CRPPA: variants seen among roughly 807,000 people sequenced by gnomAD.
CRPPA encodes the protein D-ribitol-5-phosphate cytidylyltransferase.
Under a neutral mutation model 52.0 loss-of-function variants are expected in CRPPA, and 43 were observed. That is an observed-to-expected ratio of 0.83 (90% confidence interval 0.65 to 1.07). The LOEUF is 1.07. Among genes scored for constraint, CRPPA ranks in the 50% least tolerant of loss-of-function variants. The probability of loss-of-function intolerance (pLI) is 0.00; values close to 1 mark genes in which losing one functional copy is unlikely to be tolerated. For missense variants in CRPPA, 629 were observed against 551.7 expected (o/e 1.14, Z -1.40); for synonymous variants, 250 against 203.5 (o/e 1.23, Z -1.94).
At chr7:16,398,185 G>A (rs6976548) in intron 2 of CRPPA, among the ~76,000 whole-genome samples, 72,927 of 151,976 alleles carry the variant, frequency 0.48, 18,567 homozygotes, top group African/African-American at 0.64. Flanking sequence ...TCGGCCTGTT[G>A]CCAACATGAC....
chr7:16,243,962 T>A (rs544637797), intron 8 of CRPPA, among the ~76,000 whole-genome samples: 1 of 152,292 alleles, frequency 6.6e-6, no homozygotes, highest in Admixed American at 6.5e-5. Flanking sequence ...AGATCCTGTC[T>A]CAGTCAATCA....
At chr7:16,397,441 TGTAACAGAC>T (rs1482402020) in intron 2 of CRPPA, among the ~76,000 whole-genome samples, 5 of 152,104 alleles carry the variant, frequency 3.3e-5, no homozygotes, top group Non-Finnish European at 7.4e-5. Context: ...TAACGTGTGA[TGTAACAGAC>T]GTGACACGTG....
At chr7:16,112,888 C>CTGA (rs1245537079) in intron 9 of CRPPA, among the ~76,000 whole-genome samples, 3 of 151,694 alleles carry the variant, frequency 2.0e-5, no homozygotes, top group Non-Finnish European at 2.9e-5. Flanking sequence ...TTTTTTTCCC[C>CTGA]TGATGGAATA....
At chr7:16,185,972 G>A (rs988698257) in intron 9 of CRPPA, among the ~76,000 whole-genome samples, 5 of 152,130 alleles carry the variant, frequency 3.3e-5, no homozygotes, top group African/African-American at 4.8e-5. Flanking sequence ...TTAATGTTCA[G>A]AGCAGTACCA....
intron 5 of CRPPA, 25 bp downstream of exon 5, chr7:16,301,396 C>G: frequency 6.3e-7 from 1 of 1,597,850 alleles, no homozygotes; most frequent in Non-Finnish European, 8.6e-7. Context: ...AACACAGGAA[C>G]TGACAGTCAT....
chr7:16,287,949 G>C (rs1329688255), intron 5 of CRPPA, among the ~76,000 whole-genome samples: 1 of 147,486 alleles, frequency 6.8e-6, no homozygotes, highest in Admixed American at 6.8e-5. Flanking sequence ...GAGGGAGGGA[G>C]GGAAGGAAAG....
chr7:16,406,131 T>C lies in CRPPA; in HGVS notation c.464A>G (p.His155Arg), dbSNP rs755183657. 5 of 1,613,882 alleles carry C rather than the reference T, an allele frequency of 3.1e-6. No individual in the cohort carries two copies. Among genetic ancestry groups the C allele is most frequent in the Admixed American group, 1.7e-5 (1 of 59,992 alleles). The change falls in exon 2 of 10, where the codon CAT becomes CGT. Residue 155 changes from histidine to arginine, a missense_variant. Transcript: ENST00000407010. ...CTCAACAAATGGTCTCACAGCATCA[T>C]GGATAATCACTACTTCTGGCTTAGA... ...KLSKPEVVII[H>R]DAVRPFVEEG...
chr7:16,124,394 T>G (rs532360179), intron 9 of CRPPA, among the ~76,000 whole-genome samples: 1 of 152,228 alleles, frequency 6.6e-6, no homozygotes, highest in East Asian at 1.9e-4. Flanking sequence ...GGGATACTAT[T>G]TAGCCATAAA....
intron 5 of CRPPA, among the ~76,000 whole-genome samples, chr7:16,292,194 G>A (rs969053390): frequency 2.0e-5 from 3 of 151,880 alleles, no homozygotes; most frequent in Admixed American, 2.0e-4. Context: ...GATGGCTACA[G>A]ATATAGAACT....
At chr7:16,093,260 G>T (rs1055580750) in intron 9 of CRPPA, among the ~76,000 whole-genome samples, 2 of 152,156 alleles carry the variant, frequency 1.3e-5, no homozygotes, top group African/African-American at 4.8e-5. Flanking sequence ...AAGCAAAAGA[G>T]GTTCTGATTA....
intron 6 of CRPPA, among the ~76,000 whole-genome samples, chr7:16,260,354 G>A (rs1393443782): frequency 1.3e-5 from 2 of 151,978 alleles, no homozygotes; most frequent in African/African-American, 4.8e-5. Flanking sequence ...TATCTCTTGA[G>A]GAGCAGATGG....
intron 3 of CRPPA, among the ~76,000 whole-genome samples, chr7:16,336,177 A>T (rs1211745744): frequency 6.6e-6 from 1 of 152,182 alleles, no homozygotes; most frequent in East Asian, 1.9e-4. Flanking sequence ...TAAAAATCTC[A>T]ATGGTGTAGA....
intron 3 of CRPPA, among the ~76,000 whole-genome samples, chr7:16,345,894 T>C (rs554088572): frequency 1.3e-4 from 20 of 152,314 alleles, no homozygotes; most frequent in African/African-American, 4.8e-4. Flanking sequence ...CTTTAATTCT[T>C]TGCCTCATTA....
At chr7:16,221,389 G>A (rs1782497396) in intron 8 of CRPPA, among the ~76,000 whole-genome samples, 1 of 152,142 alleles carries the variant, frequency 6.6e-6, no homozygotes, top group African/African-American at 2.4e-5. Context: ...GCATGGGCAA[G>A]GACTTCATGT....
At chr7:16,277,168 C>G (rs1169184139) in intron 6 of CRPPA, 1 of 152,030 alleles carries the variant, frequency 6.6e-6, no homozygotes, top group Non-Finnish European at 1.5e-5. Context: ...GGAAACAGAG[C>G]TAACATCCAA....
intron 3 of CRPPA, among the ~76,000 whole-genome samples, chr7:16,317,835 T>C (rs528837587): frequency 1.3e-5 from 2 of 152,318 alleles, no homozygotes; most frequent in Non-Finnish European, 2.9e-5. Flanking sequence ...CTTGCTTTAA[T>C]GGCTATACCA....
At chr7:16,116,105 A>G (rs1022332885) in intron 9 of CRPPA, among the ~76,000 whole-genome samples, 4 of 152,172 alleles carry the variant, frequency 2.6e-5, no homozygotes, top group South Asian at 4.1e-4. Flanking sequence ...ATTTTACCAT[A>G]ATTATTAATT....
At chr7:16,316,531 C>T (rs1351207939) in intron 3 of CRPPA, among the ~76,000 whole-genome samples, 1 of 151,998 alleles carries the variant, frequency 6.6e-6, no homozygotes, top group Non-Finnish European at 1.5e-5. Flanking sequence ...TAATCAGTCT[C>T]ATGTTCTGGT....
At chr7:16,283,606 C>T (rs974988967) in intron 5 of CRPPA, among the ~76,000 whole-genome samples, 10 of 151,132 alleles carry the variant, frequency 6.6e-5, no homozygotes, top group Non-Finnish European at 1.0e-4. Context: ...CCTACTATAG[C>T]TTATTACCTG....
Sources: allele counts gnomAD v4.1 joint callset (sites outside exome capture counted in the v4.1 genomes callset), GRCh38; gene constraint gnomAD v4.1.1; transcripts MANE v1.5; gene names NCBI Gene and HGNC (gene_info 2026-07-23, HGNC 2026-07-21).